Variants in TNS3 observed in about 807,000 individuals in gnomAD.
The protein encoded by TNS3 is tensin-3.
Under a neutral mutation model 140.9 loss-of-function variants are expected in TNS3, and 45 were observed. The ratio of observed to expected loss-of-function variants is 0.32; its 90% CI spans 0.25 to 0.41. TNS3 has a LOEUF of 0.41. Among genes scored for constraint, TNS3 ranks in the 10% least tolerant of loss-of-function variants. The pLI is 1.00. For missense variants in TNS3, 1,716 were observed against 1,906.7 expected (o/e 0.90, Z 1.86); for synonymous variants, 815 against 788.4 (o/e 1.03, Z -0.56).
Position 47,427,123 on chromosome 7 carries a change from CAAAAAAAA to C in TNS3, c.389+1181_389+1188del, listed in dbSNP as rs61383259. 1.1e-4 allele frequency among the ~76,000 whole-genome samples: 12 copies of C among 106,814 alleles called. No homozygotes were observed. In the South Asian group the frequency reaches 1.7e-3, roughly 15 times the overall value. The allele number at this position is 106,814 out of a possible 152,430, so 70.1% of individuals were successfully genotyped here. The stretch of plus-strand genomic sequence containing the variant: ...CCTGGGCAACGAAGCAAGACTCTGT[CAAAAAAAA>C]AAAAAAAAAAAAAACAGAAGTGCTC... On this transcript the variant is annotated intron_variant, in intron 9 of 30. Coordinates refer to ENST00000311160, the MANE Select transcript of TNS3 (RefSeq NM_022748.12).
At chr7:47,524,328 GGT>G (rs1799098874) in intron 2 of TNS3, among the ~76,000 whole-genome samples, 1 of 152,200 alleles carries the variant, frequency 6.6e-6, no homozygotes, top group African/African-American at 2.4e-5. Context: ...AACTGCCCAG[GGT>G]GTGAGTGGCA....
At chr7:47,417,411 C>T (rs1169073981) in intron 10 of TNS3, among the ~76,000 whole-genome samples, 1 of 152,220 alleles carries the variant, frequency 6.6e-6, no homozygotes, top group Non-Finnish European at 1.5e-5. Flanking sequence ...CTTTGTTTTG[C>T]CACGAGCTCC....
chr7:47,496,911 G>T (rs1460929145), intron 3 of TNS3, among the ~76,000 whole-genome samples: 1 of 152,218 alleles, frequency 6.6e-6, no homozygotes, highest in Non-Finnish European at 1.5e-5. Flanking sequence ...GGAGTAGAAA[G>T]AAGGGCAGCC....
At chr7:47,386,493 C>G (rs538453645) in intron 16 of TNS3, among the ~76,000 whole-genome samples, 2 of 152,252 alleles carry the variant, frequency 1.3e-5, no homozygotes, top group Non-Finnish European at 2.9e-5. Flanking sequence ...GGCTCCCTCT[C>G]TGTGACATGC....
intron 1 of TNS3, among the ~76,000 whole-genome samples, chr7:47,576,587 T>C (rs576780217): frequency 2.0e-5 from 3 of 152,288 alleles, no homozygotes; most frequent in South Asian, 4.1e-4. Flanking sequence ...TGGAGAAGAA[T>C]GCCAGGACCA....
At chr7:47,371,337 C>T (rs2151164866) in intron 16 of TNS3, among the ~76,000 whole-genome samples, 1 of 152,304 alleles carries the variant, frequency 6.6e-6, no homozygotes, top group South Asian at 2.1e-4. Flanking sequence ...ACAGTATGAC[C>T]TATGTTGTTA....
chr7:47,487,996 A>T (rs1797673446), intron 3 of TNS3, among the ~76,000 whole-genome samples: 1 of 152,244 alleles, frequency 6.6e-6, no homozygotes, highest in Non-Finnish European at 1.5e-5. Context: ...CCAGGACCTT[A>T]CGATATAATT....
At chr7:47,389,700 C>A (rs979571019) in intron 16 of TNS3, among the ~76,000 whole-genome samples, 5 of 152,214 alleles carry the variant, frequency 3.3e-5, no homozygotes, top group African/African-American at 1.2e-4. Flanking sequence ...GCACTTGAGA[C>A]AGGAGGAAGC....
At position 47,400,964 on chromosome 7, in the gene TNS3, C is replaced by G; in HGVS notation, c.724-50G>C. 3.1e-6 allele frequency: 5 copies of G among 1,608,544 alleles called. No homozygotes were observed. The South Asian group carries it at 3.3e-5, about 11-fold the overall frequency. On this transcript the variant is annotated intron_variant, in intron 13 of 30. Transcript: ENST00000311160. Reference sequence around the variant, plus strand: ...CAAAGTAGCTGCAGCGGGGGACACACGTTCCCGGCAAGGAACACACTCCGC... The same window carrying G: ...CAAAGTAGCTGCAGCGGGGGACACAGGTTCCCGGCAAGGAACACACTCCGC...
intron 9 of TNS3, among the ~76,000 whole-genome samples, chr7:47,425,622 C>G (rs549120818): frequency 1.8e-4 from 27 of 152,334 alleles, no homozygotes; most frequent in African/African-American, 6.5e-4. Context: ...TACTGAGCAG[C>G]AGAGTGCAGC....
At chr7:47,496,103 C>T (rs1234363163) in intron 3 of TNS3, among the ~76,000 whole-genome samples, 1 of 152,108 alleles carries the variant, frequency 6.6e-6, no homozygotes, top group East Asian at 1.9e-4. Flanking sequence ...GAGGAGAGGA[C>T]CCCAGTGAGC....
intron 27 of TNS3, among the ~76,000 whole-genome samples, chr7:47,289,740 C>T (rs1158428508): frequency 6.6e-6 from 1 of 152,088 alleles, no homozygotes; most frequent in African/African-American, 2.4e-5. Flanking sequence ...ATGAAAGATA[C>T]AAAAAACTAA....
chr7:47,362,969 TCATTTAC>T (rs1218413724), intron 17 of TNS3, among the ~76,000 whole-genome samples: 4 of 176 alleles, frequency 0.023, no homozygotes, highest in Non-Finnish European at 0.048. Context: ...ATCATCAGAG[TCATTTAC>T]CATCACCATC....
chr7:47,416,301 T>A (rs1003917427), intron 10 of TNS3, among the ~76,000 whole-genome samples: 1 of 152,260 alleles, frequency 6.6e-6, no homozygotes, highest in Non-Finnish European at 1.5e-5. Context: ...ACGGCCATCA[T>A]GGACCTTGTG....
At chr7:47,411,993 C>A (rs1329559332) in intron 12 of TNS3, among the ~76,000 whole-genome samples, 191 bp from the exon 13 acceptor site, 2 of 152,148 alleles carry the variant, frequency 1.3e-5, no homozygotes, top group African/African-American at 4.8e-5. Flanking sequence ...CATGGAGGGT[C>A]CTCATAGCAT....
intron 2 of TNS3, among the ~76,000 whole-genome samples, chr7:47,513,059 A>G (rs1798664091): frequency 6.6e-6 from 1 of 152,258 alleles, no homozygotes; most frequent in Non-Finnish European, 1.5e-5. Context: ...ATGTCATTAG[A>G]AATTGGCAAA....
intron 20 of TNS3, among the ~76,000 whole-genome samples, chr7:47,339,258 T>C (rs1366710143): frequency 6.6e-6 from 1 of 152,250 alleles, no homozygotes; most frequent in Non-Finnish European, 1.5e-5. Context: ...GCTTTTGTCC[T>C]AACCTCATAA....
chr7:47,399,340 A>G (rs1793021138), intron 15 of TNS3, among the ~76,000 whole-genome samples: 1 of 152,216 alleles, frequency 6.6e-6, no homozygotes, highest in African/African-American at 2.4e-5. Flanking sequence ...TAAAATTCAT[A>G]TGGAACCAAA....
chr7:47,461,968 T>C (rs373140397), intron 4 of TNS3, among the ~76,000 whole-genome samples: 2 of 152,176 alleles, frequency 1.3e-5, no homozygotes, highest in Non-Finnish European at 2.9e-5. Context: ...TCATTGTAGA[T>C]GTACACTATG....
Sources: gnomAD v4.1 joint callset for allele counts (sites outside exome capture counted in the v4.1 genomes callset) on GRCh38, gnomAD v4.1.1 for gene constraint, MANE v1.5 for transcripts, NCBI Gene and HGNC (gene_info 2026-07-23, HGNC 2026-07-21) for gene names.